Variants in KIF18B observed in about 807,000 individuals in gnomAD.
The protein encoded by KIF18B is kinesin-like protein KIF18B.
Under a neutral mutation model 80.9 loss-of-function variants are expected in KIF18B, and 49 were observed. That is an observed-to-expected ratio of 0.61 (90% CI 0.48 to 0.77). KIF18B has a LOEUF of 0.77. KIF18B is among the 30% of genes least tolerant of loss of function. The pLI is 0.00. For synonymous variants in KIF18B, 439 were observed against 463.9 expected (o/e 0.95, Z 0.69); for missense variants, 994 against 1,127.7 (o/e 0.88, Z 1.70).
intron 12 of KIF18B, 91 bp from the exon 13 acceptor site, chr17:44,928,669 T>G: frequency 7.2e-7 from 1 of 1,387,826 alleles, no homozygotes; most frequent in Non-Finnish European, 9.5e-7. Flanking sequence ...TCCTGGGGCC[T>G]CTCTGTGTGC....
intron 11 of KIF18B, among the ~76,000 whole-genome samples, chr17:44,930,011 T>C (rs1438529216): frequency 6.6e-6 from 1 of 152,236 alleles, no homozygotes; most frequent in Non-Finnish European, 1.5e-5. Flanking sequence ...TATCCTCAGG[T>C]AGTTCTACTG....
chr17:44,933,713 G>A (rs961438057), intron 7 of KIF18B, among the ~76,000 whole-genome samples: 2 of 151,974 alleles, frequency 1.3e-5, no homozygotes, highest in Non-Finnish European at 2.9e-5. Flanking sequence ...GGCTGGTCTC[G>A]AACTCCTGAC....
At chr17:44,947,060 G>A (rs1334227497) in intron 1 of KIF18B, among the ~76,000 whole-genome samples, 4 of 125,910 alleles carry the variant, frequency 3.2e-5, no homozygotes, top group African/African-American at 1.2e-4. Context: ...AGTGAGCCAA[G>A]ATCGCGCCAT....
At chr17:44,945,846 C>T (rs1048040125) in intron 1 of KIF18B, among the ~76,000 whole-genome samples, 1 of 144,228 alleles carries the variant, frequency 6.9e-6, no homozygotes, top group African/African-American at 2.6e-5. Context: ...GCGGAGGTTG[C>T]AGGGAGCTGA....
At chr17:44,940,297 C>T (rs1181395681) in intron 1 of KIF18B, among the ~76,000 whole-genome samples, 1 of 152,110 alleles carries the variant, frequency 6.6e-6, no homozygotes. Context: ...TGTTTAGCTC[C>T]CCACCTCCAC....
At chr17:44,928,648 C>T in intron 12 of KIF18B, 70 bp from the exon 13 acceptor site, 2 of 1,408,888 alleles carry the variant, frequency 1.4e-6, no homozygotes, top group Non-Finnish European at 1.9e-6. Flanking sequence ...GAGCCCATAA[C>T]CCCTCAGGTC....
At chr17:44,938,832 G>A (rs1333282293) in intron 1 of KIF18B, among the ~76,000 whole-genome samples, 1 of 151,952 alleles carries the variant, frequency 6.6e-6, no homozygotes, top group Non-Finnish European at 1.5e-5. Context: ...ATCATCTGAG[G>A]TTGGCAGTTC....
intron 1 of KIF18B, among the ~76,000 whole-genome samples, chr17:44,937,997 C>CACACACACACACAT (rs2052342250): frequency 6.6e-6 from 1 of 151,610 alleles, no homozygotes; most frequent in African/African-American, 2.4e-5. Context: ...CACACACACA[C>CACACACACACACAT]ACACACACAC....
In KIF18B at chr17:44,934,973, G is replaced by A. The variant is rs566525588; in HGVS notation, c.472-38C>T. ...GAAAGGAAGAGGCCTGAGGGAGAGC[G>A]GCCCATCAGGAAACCTCTCCCTAGC... is the stretch of plus-strand genomic sequence containing the variant. On this transcript the variant is annotated intron_variant, in intron 3 of 15. Coordinates refer to ENST00000593135, the MANE Select transcript of KIF18B (RefSeq NM_001265577.2). This position sits in a 1 kb window ranked among gnomAD's most constrained non-coding sequence, Gnocchi z 5.4. 49 of 1,393,992 alleles carry A rather than the reference G, an allele frequency of 3.5e-5. No homozygotes were observed. In the African/African-American group the frequency reaches 4.6e-4, roughly 13 times the overall value. The allele number at this position is 1,393,992 out of a possible 1,614,324, so 86.4% of individuals were successfully genotyped here.
At chr17:44,932,823 G>C in intron 8 of KIF18B, 50 bp from the exon 9 acceptor site, 1 of 1,576,566 alleles carries the variant, frequency 6.3e-7, no homozygotes, top group South Asian at 1.1e-5. Context: ...AGCACAGGAG[G>C]GGAGGGGCAG....
rs748052207 is a variant in KIF18B, at chr17:44,926,480, G to A, written c.2386C>T (p.Arg796Cys). 1.4e-5 allele frequency: 23 copies of A among 1,588,372 alleles called. No individual in the cohort carries two copies. Among genetic ancestry groups the A allele is most frequent in the East Asian group, 4.5e-5 (2 of 44,126 alleles). The part of the protein sequence containing the change: ...RVASSSVSHG[R>C]SRIARLPSST... ...CTGGGGAGGCGGGCGATGCGGCTGC[G>A]GCCATGGGAGACTGAGGAACTGAGG... Residue 796 changes from arginine to cysteine, a missense_variant, in exon 15 of 16, where the codon CGC becomes TGC. Physicochemically the swap from Arg to Cys is radical, Grantham distance 180 (BLOSUM62 -3). Transcript: ENST00000593135.
At position 44,936,032 on chromosome 17, in the gene KIF18B, C is replaced by T; in HGVS notation, c.313G>A (p.Val105Met). The T allele has an allele frequency of 6.2e-7, 1 of 1,613,556 alleles. No individual in the cohort carries two copies. ...DSFLQGYNCS[V>M]FAYGATGAGK... Reference sequence around the variant, plus strand: ...TGCCAGGCAGGGCTGAGGTTCTCACCTGAGCAGTTGTAGCCCTGGAGGAAG... The same window carrying T: ...TGCCAGGCAGGGCTGAGGTTCTCACTTGAGCAGTTGTAGCCCTGGAGGAAG... The change falls in exon 2 of 16, where the codon GTG becomes ATG. Residue 105 changes from valine (V) to methionine (M), a missense_variant and splice_region_variant. Coordinates refer to ENST00000593135, the MANE Select transcript of KIF18B (RefSeq NM_001265577.2).
Position 44,934,836 on chromosome 17 carries a change from G to A in KIF18B, c.571C>T (p.His191Tyr), listed in dbSNP as rs1158035438. 8 of 1,546,192 alleles carry A rather than the reference G, an allele frequency of 5.2e-6. No homozygotes were observed. Among genetic ancestry groups the A allele is most frequent in the South Asian group, 1.2e-5 (1 of 83,874 alleles). Residue 191 changes from histidine to tyrosine, a missense_variant, in exon 4 of 16, where the codon CAC becomes TAC. His to Tyr is a moderately conservative substitution (Grantham distance 83). Transcript: ENST00000593135. This position sits in a 1 kb window ranked among gnomAD's most constrained non-coding sequence, Gnocchi z 5.4. ...ACCCGAGCCCAATCCCACACCTGGT[G>A]GAAAGAAAGTCCTTGCACCACCACC... Reference protein sequence around the residue: ...KGVVVQGLSFHQPASAEQLLE... With the variant: ...KGVVVQGLSFYQPASAEQLLE...
Position 44,947,757 on chromosome 17 carries a change from C to T in KIF18B, c.-144G>A, listed in dbSNP as rs1033177331. Reference sequence around the variant, plus strand: ...CCTACCCGCGCCAACCTCCACCCGGCGCCTTGCGTTCAAATTAGCCGGGCG... The same window carrying T: ...CCTACCCGCGCCAACCTCCACCCGGTGCCTTGCGTTCAAATTAGCCGGGCG... On this transcript the variant is annotated 5_prime_UTR_variant, in exon 1 of 16. Transcript: ENST00000593135. 6.6e-6 allele frequency: 1 copy of T among 152,308 alleles called. No individual in the cohort carries two copies. The highest frequency in any genetic ancestry group is 2.4e-5 in the African/African-American group (1 of 41,474). 9.4% of individuals were successfully genotyped at this position (152,308 alleles called of 1,614,324 possible). A position where few individuals can be genotyped will look rare whatever the true frequency, so the allele number is the denominator to read the frequency against.
At chr17:44,928,705 G>T in intron 12 of KIF18B, 114 bp downstream of exon 12, 1 of 1,387,404 alleles carries the variant, frequency 7.2e-7, no homozygotes, top group Non-Finnish European at 9.6e-7. Flanking sequence ...CAGGGGCCCA[G>T]CCTCCTACAG....
In KIF18B at chr17:44,931,697, T is replaced by C. The variant is rs1313135136; in HGVS notation, c.1422A>G (p.Thr474=). 3.3e-5 allele frequency: 54 copies of C among 1,613,904 alleles called. No individual in the cohort carries two copies. The highest frequency in any genetic ancestry group is 4.4e-5 in the Non-Finnish European group (52 of 1,179,872). ...VPTQMPEQNP[T]HALPESPRLT... is the part of the protein sequence containing the mutation. ...GGCGAGGGGACTCTGGCAGTGCATG[T>C]GTGGGGTTCTGCTCTGGCATCTGGG... is the stretch of plus-strand genomic sequence containing the variant. Residue 474 remains threonine (T), a synonymous_variant, in exon 11 of 16, where the codon ACA becomes ACG. Transcript: ENST00000593135.
At position 44,932,110 on chromosome 17, in the gene KIF18B, G is replaced by T. The variant is rs369406463; in HGVS notation, c.1335C>A (p.Asn445Lys). 6.2e-7 allele frequency: 1 copy of T among 1,613,910 alleles called. No homozygotes were observed. The highest frequency in any genetic ancestry group is 2.2e-5 in the East Asian group (1 of 44,874). The part of the protein sequence containing the change: ...EAQVERAMEG[N>K]SSDQEQSPED... ...CTGGGGACTGCTCCTGGTCTGAAGA[G>T]TTCCCTTCCATGGCCCTCTCCACCT... Residue 445 changes from asparagine to lysine, a missense_variant, in exon 10 of 16, where the codon AAC (asparagine) becomes AAA (lysine). Transcript: ENST00000593135.
In KIF18B at chr17:44,928,518, G is replaced by T. The variant is rs2052079965; in HGVS notation, c.1784C>A (p.Thr595Asn). The T allele has an allele frequency of 1.4e-6, 2 of 1,481,088 alleles. No homozygotes were observed. Among genetic ancestry groups the T allele is most frequent in the East Asian group, 2.5e-5 (1 of 40,578 alleles). 91.7% of individuals were successfully genotyped at this position (1,481,088 alleles called of 1,614,324 possible). A position where few individuals can be genotyped will look rare whatever the true frequency, so the allele number is the denominator to read the frequency against. ...PPGYTGPVTR[T>N]MARRLSGPLH... ...GGGGCCACTCAGTCGCCTCGCCATA[G>T]TCCGGGTCACAGGGCCAGTGTATCC... Residue 595 changes from threonine (T) to asparagine (N), a missense_variant, in exon 13 of 16, where the codon ACT becomes AAT. Physicochemically the swap from Thr to Asn is moderately conservative, Grantham distance 65 (BLOSUM62 0). Transcript: ENST00000593135.
At chr17:44,941,402 G>A (rs112593517) in intron 1 of KIF18B, among the ~76,000 whole-genome samples, 12,549 of 149,076 alleles carry the variant, frequency 0.084, 584 homozygotes, top group Middle Eastern at 0.18. Context: ...GCAGTGGCAC[G>A]ATCTTGGCTC....
Sources: allele counts gnomAD v4.1 joint callset (sites outside exome capture counted in the v4.1 genomes callset), GRCh38; gene constraint gnomAD v4.1.1; non-coding constraint Gnocchi (gnomAD v3.1); transcripts MANE v1.5; gene names NCBI Gene and HGNC (gene_info 2026-07-23, HGNC 2026-07-21).